PTPRK: variants seen among roughly 807,000 people sequenced by gnomAD.
PTPRK encodes the protein protein tyrosine phosphatase receptor type K, also known as receptor-type tyrosine-protein phosphatase kappa.
PTPRK carries 75 observed loss-of-function variants against 178.0 expected under a neutral mutation model. The observed-to-expected ratio is 0.42, with a 90% CI of 0.35 to 0.51. The LOEUF is 0.51. Ranked by LOEUF, PTPRK falls within the 20% of genes least tolerant of loss-of-function variation. PTPRK has a pLI of 0.02. For synonymous variants in PTPRK, 637 were observed against 620.6 expected, an observed-to-expected ratio of 1.03 and a Z score of -0.39; for missense variants, 1,441 against 1,797.8, an observed-to-expected ratio of 0.80 and a Z score of 3.59.
intron 16 of PTPRK, among the ~76,000 whole-genome samples, chr6:127,997,248 T>C (rs939839920): frequency 3.3e-5 from 5 of 152,066 alleles, no homozygotes; most frequent in Admixed American, 3.3e-4. Context: ...ATTTTAAAAT[T>C]AAGATCACTA....
intron 1 of PTPRK, among the ~76,000 whole-genome samples, chr6:128,473,676 A>T (rs866993843): frequency 2.8e-4 from 43 of 151,970 alleles, no homozygotes; most frequent in African/African-American, 1.0e-3. Flanking sequence ...AGAACTTGAG[A>T]ACTTTCAAAA....
chr6:128,193,490 G>T (rs1316399531), intron 6 of PTPRK, among the ~76,000 whole-genome samples: 1 of 152,064 alleles, frequency 6.6e-6, no homozygotes, highest in Non-Finnish European at 1.5e-5. Context: ...GTGTGTGTGT[G>T]TGTGTCCCTT....
At chr6:128,144,338 A>G (rs142923452) in intron 7 of PTPRK, among the ~76,000 whole-genome samples, 2 of 152,360 alleles carry the variant, frequency 1.3e-5, no homozygotes, top group Admixed American at 1.3e-4. Flanking sequence ...ATTACATTAC[A>G]TTGCTTTAAA....
At chr6:128,399,554 A>G (rs1310286472) in intron 1 of PTPRK, among the ~76,000 whole-genome samples, 1 of 152,248 alleles carries the variant, frequency 6.6e-6, no homozygotes, top group Non-Finnish European at 1.5e-5. Flanking sequence ...TAGGAAATGT[A>G]TCTTCACATA....
intron 7 of PTPRK, among the ~76,000 whole-genome samples, chr6:128,165,488 T>C (rs1210053035): frequency 6.6e-6 from 1 of 151,292 alleles, no homozygotes; most frequent in African/African-American, 2.4e-5. Flanking sequence ...TATCCTATGA[T>C]GAGGTCTCAG....
At chr6:128,167,543 G>A (rs756563999) in intron 7 of PTPRK, among the ~76,000 whole-genome samples, 8 of 151,768 alleles carry the variant, frequency 5.3e-5, no homozygotes, top group Non-Finnish European at 1.0e-4. Context: ...TACAGTTTGA[G>A]TTACTTGGTT....
intron 6 of PTPRK, among the ~76,000 whole-genome samples, chr6:128,207,714 T>C (rs1807225090): frequency 1.3e-5 from 2 of 152,184 alleles, no homozygotes; most frequent in African/African-American, 4.8e-5. Flanking sequence ...AATTATAAAA[T>C]ATGTTTAAGT....
intron 7 of PTPRK, among the ~76,000 whole-genome samples, chr6:128,114,727 C>G (rs754870785): frequency 6.7e-6 from 1 of 149,402 alleles, no homozygotes; most frequent in Non-Finnish European, 1.5e-5. Flanking sequence ...CCTGCCTCAA[C>G]TTATGTGGAT....
At chr6:128,247,536 C>G (rs367917957) in intron 3 of PTPRK, among the ~76,000 whole-genome samples, 80 of 152,196 alleles carry the variant, frequency 5.3e-4, no homozygotes, top group African/African-American at 1.8e-3. Context: ...CTAGGCTGGT[C>G]TCGAACTCCT....
chr6:128,174,431 A>ACT (rs1197793087), intron 7 of PTPRK, among the ~76,000 whole-genome samples: 306 of 152,044 alleles, frequency 2.0e-3, no homozygotes, highest in Non-Finnish European at 2.9e-3. Flanking sequence ...TAGTGTTTCC[A>ACT]ACATACAGAT....
chr6:128,392,210 G>C (rs1839694755), intron 2 of PTPRK, among the ~76,000 whole-genome samples: 2 of 152,064 alleles, frequency 1.3e-5, no homozygotes, highest in African/African-American at 4.8e-5. Context: ...TTTTATAAGG[G>C]AGGAGGAGTG....
chr6:128,263,738 G>A (rs1304433419), intron 3 of PTPRK, among the ~76,000 whole-genome samples: 1 of 152,160 alleles, frequency 6.6e-6, no homozygotes, highest in African/African-American at 2.4e-5. Context: ...TTGAGAGTCT[G>A]TACAAGCCGC....
At chr6:128,441,695 A>G (rs1846305606) in intron 1 of PTPRK, among the ~76,000 whole-genome samples, 1 of 152,216 alleles carries the variant, frequency 6.6e-6, no homozygotes, top group South Asian at 2.1e-4. Flanking sequence ...AAGGATTCAC[A>G]AGATGGATTC....
At chr6:128,191,826 G>A (rs567555529) in intron 6 of PTPRK, among the ~76,000 whole-genome samples, 79 of 152,124 alleles carry the variant, frequency 5.2e-4, no homozygotes, top group Non-Finnish European at 1.0e-4. Context: ...AATTTACCAC[G>A]TATCCCTACC....
At chr6:128,021,218 C>T (rs918980395) in intron 13 of PTPRK, among the ~76,000 whole-genome samples, 1 of 152,180 alleles carries the variant, frequency 6.6e-6, no homozygotes, top group Non-Finnish European at 1.5e-5. Context: ...ATTTCTAATT[C>T]TCAAAGTATC....
rs141210903 is a variant in PTPRK at position 128,335,693 on chromosome 6, C to T, written c.224-13383G>A. On this transcript the variant is annotated intron_variant, in intron 2 of 29. Transcript: ENST00000368226. Reference sequence around the variant, plus strand: ...ATCCTAGGATATAAAAAAGTAAAAGCGAATGGTGCCATCTCCTCAAATTTT... The same window carrying T: ...ATCCTAGGATATAAAAAAGTAAAAGTGAATGGTGCCATCTCCTCAAATTTT... Among the ~76,000 whole-genome samples, 1,502 of 151,906 alleles carry T rather than the reference C, an allele frequency of 9.9e-3. 26 individuals carry two copies. Among genetic ancestry groups the T allele is most frequent in the African/African-American group, 0.034 (1,395 of 41,442 alleles).
At chr6:128,191,769 A>G (rs1314180016) in intron 6 of PTPRK, among the ~76,000 whole-genome samples, 5 of 152,240 alleles carry the variant, frequency 3.3e-5, no homozygotes, top group African/African-American at 9.6e-5. Context: ...TTCCTCTAGA[A>G]CAGCTCAACA....
intron 9 of PTPRK, among the ~76,000 whole-genome samples, chr6:128,083,179 T>C (rs923968653): frequency 1.2e-4 from 19 of 152,114 alleles, no homozygotes; most frequent in Admixed American, 5.2e-4. Flanking sequence ...AACTACACAT[T>C]TGTGTAACTT....
intron 3 of PTPRK, among the ~76,000 whole-genome samples, chr6:128,288,710 GA>G (rs983129189): frequency 8.2e-4 from 125 of 152,048 alleles, no homozygotes; most frequent in African/African-American, 3.0e-3. Context: ...ATACTTTTAG[GA>G]AAAAACTGTT....
Sources: gnomAD v4.1 joint callset for allele counts (sites outside exome capture counted in the v4.1 genomes callset) on GRCh38, gnomAD v4.1.1 for gene constraint, MANE v1.5 for transcripts, NCBI Gene and HGNC (gene_info 2026-07-23, HGNC 2026-07-21) for gene names.